The following SLC35F4 variants were observed in gnomAD, a reference collection of about 807,000 sequenced individuals.
The protein encoded by SLC35F4 is solute carrier family 35 member F4.
A neutral mutation model predicts 44.2 loss-of-function variants in SLC35F4; 24 were observed. The observed-to-expected ratio is 0.54, with a 90% confidence interval of 0.39 to 0.76. SLC35F4 has a LOEUF of 0.76. Among genes scored for constraint, SLC35F4 ranks in the 30% least tolerant of loss-of-function variants. The probability of loss-of-function intolerance (pLI) is 0.00; values close to 1 mark genes in which losing one functional copy is unlikely to be tolerated. For missense variants in SLC35F4, 562 were observed against 586.1 expected, an observed-to-expected ratio of 0.96 and a Z score of 0.42; for synonymous variants, 238 against 223.6, an observed-to-expected ratio of 1.06 and a Z score of -0.57.
intron 1 of SLC35F4, among the ~76,000 whole-genome samples, chr14:57,833,783 T>C (rs1196148184): frequency 1.3e-5 from 2 of 152,258 alleles, no homozygotes; most frequent in African/African-American, 2.4e-5. Flanking sequence ...AAATATACCA[T>C]GGAGACTGCA....
intron 3 of SLC35F4, among the ~76,000 whole-genome samples, chr14:57,582,409 C>T (rs1016677958): frequency 6.6e-6 from 1 of 152,108 alleles, no homozygotes; most frequent in Admixed American, 6.5e-5. Context: ...ACTCTGTTGC[C>T]TAGGCTGGTC....
At chr14:57,566,449 C>G in intron 7 of SLC35F4, 26 bp downstream of exon 7, 2 of 1,566,186 alleles carry the variant, frequency 1.3e-6, no homozygotes, top group Non-Finnish European at 1.7e-6. Context: ...TGGCCAGGAT[C>G]TGCACATGTC....
chr14:57,843,098 C>A (rs1463267647), intron 1 of SLC35F4, among the ~76,000 whole-genome samples: 1 of 152,186 alleles, frequency 6.6e-6, no homozygotes, highest in Non-Finnish European at 1.5e-5. Context: ...GCATTGTCGG[C>A]TTCCCTACTT....
chr14:57,728,905 C>G (rs929323430), intron 1 of SLC35F4, among the ~76,000 whole-genome samples: 1 of 152,122 alleles, frequency 6.6e-6, no homozygotes, highest in South Asian at 2.1e-4. Context: ...CTCCTTCATG[C>G]TCAAAGAATA....
chr14:57,856,132 G>A (rs1362320170), intron 1 of SLC35F4, among the ~76,000 whole-genome samples: 3 of 151,784 alleles, frequency 2.0e-5, no homozygotes, highest in Non-Finnish European at 4.4e-5. Context: ...TCTACCTCCC[G>A]AGTAGCTGGG....
chr14:57,751,823 T>C (rs976209737), intron 1 of SLC35F4, among the ~76,000 whole-genome samples: 4 of 152,238 alleles, frequency 2.6e-5, no homozygotes, highest in East Asian at 3.8e-4. Flanking sequence ...TTTTGAGGTA[T>C]AAAATTTGGC....
At chr14:57,782,208 G>C (rs912534363) in intron 1 of SLC35F4, among the ~76,000 whole-genome samples, 4 of 152,044 alleles carry the variant, frequency 2.6e-5, no homozygotes, top group Non-Finnish European at 4.4e-5. Context: ...ATTTATATGA[G>C]TCAGTTACAT....
chr14:57,721,005 T>TATATATATATAC (rs1446940518), intron 1 of SLC35F4, among the ~76,000 whole-genome samples: 15 of 123,970 alleles, frequency 1.2e-4, no homozygotes, highest in Non-Finnish European at 2.3e-4. Context: ...TATATATATA[T>TATATATATATAC]ATATATATAT....
chr14:57,775,078 G>A (rs751917187), intron 1 of SLC35F4, among the ~76,000 whole-genome samples: 27 of 152,238 alleles, frequency 1.8e-4, no homozygotes, highest in African/African-American at 3.9e-4. Flanking sequence ...TGGACCCAAC[G>A]ACCTCCTGAG....
chr14:57,867,680 T>C (rs1888209277), upstream of SLC35F4, among the ~76,000 whole-genome samples: 2 of 151,742 alleles, frequency 1.3e-5, no homozygotes, highest in South Asian at 2.1e-4. Flanking sequence ...ATCAAATGCA[T>C]GTATTGCACA....
chr14:57,926,747 A>G (rs1461483041), intron 1 of SLC35F4, among the ~76,000 whole-genome samples: 2 of 151,282 alleles, frequency 1.3e-5, no homozygotes, highest in East Asian at 1.9e-4. Context: ...GTGGATATAT[A>G]TAGCCAAAGG....
chr14:57,706,307 G>A (rs1271725098), intron 1 of SLC35F4, among the ~76,000 whole-genome samples: 2 of 152,166 alleles, frequency 1.3e-5, no homozygotes, highest in African/African-American at 2.4e-5. Context: ...AGGGAGAAAC[G>A]GGTGGAATTG....
At chr14:57,678,026 C>T (rs182966244) in intron 1 of SLC35F4, among the ~76,000 whole-genome samples, 5 of 152,038 alleles carry the variant, frequency 3.3e-5, no homozygotes, top group Admixed American at 6.5e-5. Context: ...CAGAGAATAT[C>T]ACAAAGATAC....
rs867992686 is a variant in SLC35F4, at chr14:57,858,952, T to A, written c.103+6771A>T. Among the ~76,000 whole-genome samples, 1,316 of 141,874 alleles carry A rather than the reference T, an allele frequency of 9.3e-3. 23 individuals carry two copies. The highest frequency in any genetic ancestry group is 0.032 in the African/African-American group (1,239 of 38,788). 93.1% of individuals were successfully genotyped at this position (141,874 alleles called of 152,430 possible). ...GATCTCTAAAAAAAAAAAAAAAAAA[T>A]TAATTAATTAGCTGAGTGTGATGAT... On this transcript the variant is annotated intron_variant, in intron 1 of 7. Coordinates refer to ENST00000556826, the MANE Select transcript of SLC35F4 (RefSeq NM_001306087.2).
At chr14:57,639,144 T>A (rs2073127519) in intron 1 of SLC35F4, among the ~76,000 whole-genome samples, 1 of 152,106 alleles carries the variant, frequency 6.6e-6, no homozygotes, top group African/African-American at 2.4e-5. Context: ...ATCACTGGTT[T>A]AGAAAACAAT....
intron 1 of SLC35F4, among the ~76,000 whole-genome samples, chr14:57,787,742 G>A (rs1013107865): frequency 2.0e-5 from 3 of 151,960 alleles, no homozygotes; most frequent in Non-Finnish European, 4.4e-5. Flanking sequence ...ACGACTACAA[G>A]AATTGCAAAA....
At chr14:57,823,460 G>A (rs1278749283) in intron 1 of SLC35F4, among the ~76,000 whole-genome samples, 1 of 152,172 alleles carries the variant, frequency 6.6e-6, no homozygotes, top group East Asian at 1.9e-4. Flanking sequence ...TTACAACATA[G>A]CATATTTGAA....
At chr14:57,782,647 T>G (rs1053393069) in intron 1 of SLC35F4, among the ~76,000 whole-genome samples, 3 of 152,340 alleles carry the variant, frequency 2.0e-5, no homozygotes, top group Middle Eastern at 3.4e-3. Context: ...CTGGCTGCTG[T>G]TGCTGTGAGC....
chr14:57,844,238 G>A (rs1885775446), intron 1 of SLC35F4, among the ~76,000 whole-genome samples: 1 of 152,160 alleles, frequency 6.6e-6, no homozygotes, highest in African/African-American at 2.4e-5. Context: ...AAGCATGGGG[G>A]TGAAACCAAG....
Sources: allele counts gnomAD v4.1 joint callset (sites outside exome capture counted in the v4.1 genomes callset), GRCh38; gene constraint gnomAD v4.1.1; transcripts MANE v1.5; gene names NCBI Gene and HGNC (gene_info 2026-07-23, HGNC 2026-07-21).